NBPF26: variants seen among roughly 807,000 people sequenced by gnomAD.
NBPF26 encodes the protein NBPF family member NBPF26.
A neutral mutation model predicts 119.6 loss-of-function variants in NBPF26; 79 were observed. The ratio of observed to expected loss-of-function variants is 0.66; its 90% CI spans 0.55 to 0.80. The LOEUF is 0.80. NBPF26 is among the 30% of genes least tolerant of loss of function. The probability of loss-of-function intolerance (pLI) is 0.00; values close to 1 mark genes in which losing one functional copy is unlikely to be tolerated. For missense variants in NBPF26, 800 were observed against 1,198.2 expected (o/e 0.67, Z 4.91); for synonymous variants, 299 against 457.7 (o/e 0.65, Z 4.43).
chr1:120,823,844 C>T (rs1462484846), intron 17 of NBPF26, 130 bp from the exon 18 acceptor site: 13,082 of 552,190 alleles, frequency 0.024, 2,601 homozygotes, highest in African/African-American at 0.18. Flanking sequence ...AGGCAATAAT[C>T]TGTTACCTCA....
chr1:120,730,550 T>C (rs1203330705), intron 1 of NBPF26, among the ~76,000 whole-genome samples: 1 of 106,778 alleles, frequency 9.4e-6, no homozygotes, highest in Non-Finnish European at 1.7e-5. Flanking sequence ...ACTGCATCAC[T>C]GGTAGTGGTA....
At position 120,816,825 on chromosome 1, in the gene NBPF26, C is replaced by G. The variant is rs1652017776; in HGVS notation, c.2369C>G (p.Pro790Arg). 27 of 1,447,292 alleles carry G rather than the reference C, an allele frequency of 1.9e-5. 4 individuals carry two copies. In the South Asian group the frequency reaches 3.2e-4, roughly 17 times the overall value. The allele number at this position is 1,447,292 out of a possible 1,614,324, so 89.7% of individuals were successfully genotyped here. A position where few individuals can be genotyped will look rare whatever the true frequency, so the allele number is the denominator to read the frequency against. The change falls in exon 14 of 30, where the codon CCA becomes CGA. Residue 790 changes from proline (P) to arginine (R), a missense_variant and splice_region_variant. Physicochemically the swap from Pro to Arg is moderately radical, Grantham distance 103. Coordinates refer to ENST00000620612, the Ensembl canonical transcript of NBPF26. ...TGGGAGGATGCTGTACACATTATTC[C>G]AGGTAGCCTCTGTTTTCCTTGTGTC...
intron 1 of NBPF26, among the ~76,000 whole-genome samples, chr1:120,733,114 T>C (rs1650881391): frequency 2.3e-5 from 2 of 85,386 alleles, no homozygotes; most frequent in Non-Finnish European, 4.1e-5. Context: ...GATTTATTTT[T>C]ATATATATAT....
At position 120,805,708 on chromosome 1, in the gene NBPF26, G is replaced by T; in HGVS notation, c.904G>T (p.Glu302Ter). 2.1e-6 allele frequency: 3 copies of T among 1,454,682 alleles called. 1 individual carries two copies. The highest frequency in any genetic ancestry group is 2.8e-6 in the Non-Finnish European group (3 of 1,078,170). The allele number at this position is 1,454,682 out of a possible 1,614,324, so 90.1% of individuals were successfully genotyped here. ...CAAACAGCAGTTGAGAAACCTCAAA[G>T]AGAAATGTTTTCTAACTCAACTGGC... is the stretch of plus-strand genomic sequence containing the variant. Residue 302 changes from glutamate (E) to a stop codon, truncating the protein, a stop_gained, in exon 5 of 30, where the codon GAG becomes TAG. Coordinates refer to ENST00000620612, the Ensembl canonical transcript of NBPF26. LOFTEE classifies it high-confidence loss of function.
At chr1:120,786,440 CT>C in intron 3 of NBPF26, among the ~76,000 whole-genome samples, 1 of 102,334 alleles carries the variant, frequency 9.8e-6, no homozygotes, top group Middle Eastern at 4.1e-3. Context: ...CCTTTATTCT[CT>C]CCCCATCTCA....
At chr1:120,806,677 G>A (rs1651693473) in intron 5 of NBPF26, among the ~76,000 whole-genome samples, 1 of 121,522 alleles carries the variant, frequency 8.2e-6, no homozygotes, top group Admixed American at 7.9e-5. Flanking sequence ...CCTGCTTCCT[G>A]GTGCACAGGC....
At chr1:120,813,516 A>T (rs1233476550) in intron 10 of NBPF26, among the ~76,000 whole-genome samples, 5 of 102,402 alleles carry the variant, frequency 4.9e-5, no homozygotes, top group Non-Finnish European at 7.9e-5. Context: ...GGGCTTTCCC[A>T]ACTGTACAAG....
intron 5 of NBPF26, 127 bp downstream of exon 5, chr1:120,805,892 G>C (rs1651669531): frequency 1.4e-6 from 1 of 716,396 alleles, no homozygotes; most frequent in Admixed American, 3.0e-5. Context: ...ACAGAAATGG[G>C]TATTTTAACA....
At chr1:120,809,303 TTGG>T (rs1651793852) in intron 7 of NBPF26, among the ~76,000 whole-genome samples, 1 of 150,478 alleles carries the variant, frequency 6.6e-6, no homozygotes, top group Non-Finnish European at 1.5e-5. Context: ...GTGGGGTCAT[TTGG>T]TGGTAGGAAG....
rs1571033219 is a variant in NBPF26, at chr1:120,805,722, A to C, written c.918A>C (p.Leu306=). The C allele has an allele frequency of 2.1e-6, 3 of 1,451,300 alleles. No homozygotes were observed. The East Asian group carries it at 6.8e-5, about 33-fold the overall frequency. 89.9% of individuals were successfully genotyped at this position (1,451,300 alleles called of 1,614,324 possible). ...GAAACCTCAAAGAGAAATGTTTTCT[A>C]ACTCAACTGGCCGGCTTCCTGGCCA... Residue 306 remains leucine, a synonymous_variant, in exon 5 of 30, where the codon CTA becomes CTC. Transcript: ENST00000620612.
chr1:120,785,021 G>T (rs2101454217), exon 3 of NBPF26: 3 of 1,429,560 alleles, frequency 2.1e-6, no homozygotes, highest in East Asian at 2.3e-5. Flanking sequence ...CGAGACCCCT[G>T]TGAGAAGAAC....
Position 120,840,482 on chromosome 1 carries a change from A to G in NBPF26, c.4236A>G (p.Ser1412=), listed in dbSNP as rs1553273514. The change falls in exon 30 of 30, where the codon TCA becomes TCG. Residue 1412 remains serine, a synonymous_variant. Transcript: ENST00000620612. ...AGCACTACAGAAGTGTGTTTTACTC[A>G]TTTGAGGAAGAGCATATCAGCTTCG... 1.0e-5 allele frequency: 15 copies of G among 1,479,942 alleles called. 2 individuals are homozygous for G. Among genetic ancestry groups the G allele is most frequent in the Middle Eastern group, 4.7e-4 (2 of 4,218 alleles). 91.7% of individuals were successfully genotyped at this position (1,479,942 alleles called of 1,614,324 possible).
At chr1:120,839,985 T>C (rs1449771172) in intron 29 of NBPF26, among the ~76,000 whole-genome samples, 2 of 48,936 alleles carry the variant, frequency 4.1e-5, no homozygotes, top group East Asian at 4.1e-4. Flanking sequence ...CTGCATCGAA[T>C]TTTGAGCATA....
At chr1:120,820,450 ATAT>A (rs1652107232) in intron 15 of NBPF26, among the ~76,000 whole-genome samples, 137 of 7,724 alleles carry the variant, frequency 0.018, 15 homozygotes, top group Admixed American at 0.065. Flanking sequence ...TATTAAAAAT[ATAT>A]ATATATATAT....
rs1316691462 is a variant in NBPF26 at position 120,779,496 on chromosome 1, A to G, written c.156-5478A>G. On this transcript the variant is annotated intron_variant, in intron 2 of 29. Transcript: ENST00000620612. ...AGAGAAGAGAGAGTAAGTAAAAGTCACTGAGAGACATTGAAGAGACAGTTA... is the reference window on the plus strand; with the variant it reads ...AGAGAAGAGAGAGTAAGTAAAAGTCGCTGAGAGACATTGAAGAGACAGTTA... Among the ~76,000 whole-genome samples the G allele has an allele frequency of 5.9e-5, 7 of 119,190 alleles. 1 individual carries two copies. The highest frequency in any genetic ancestry group is 1.7e-4 in the Admixed American group (2 of 12,012). 78.2% of individuals were successfully genotyped at this position (119,190 alleles called of 152,430 possible).
At chr1:120,790,159 G>A (rs1651468362) in intron 3 of NBPF26, among the ~76,000 whole-genome samples, 1 of 100,634 alleles carries the variant, frequency 9.9e-6, no homozygotes, top group South Asian at 2.9e-4. Flanking sequence ...GGGACTACAG[G>A]CACCTACCGC....
chr1:120,806,878 T>C, intron 5 of NBPF26, among the ~76,000 whole-genome samples: 1 of 123,962 alleles, frequency 8.1e-6, no homozygotes, highest in Non-Finnish European at 1.6e-5. Flanking sequence ...CTGCAATGAA[T>C]TACATGAGGT....
intron 5 of NBPF26, among the ~76,000 whole-genome samples, 193 bp from the exon 6 acceptor site, chr1:120,807,414 C>T (rs1391755433): frequency 1.6e-5 from 2 of 122,758 alleles, no homozygotes; most frequent in Non-Finnish European, 3.3e-5. Flanking sequence ...TCTCTTTCTT[C>T]GTCTTTAAAT....
chr1:120,806,257 G>C lies in NBPF26; in HGVS notation c.961+492G>C, dbSNP rs1432179867. 1.8e-4 allele frequency among the ~76,000 whole-genome samples: 22 copies of C among 122,538 alleles called. 3 individuals are homozygous for C. Among genetic ancestry groups the C allele is most frequent in the Non-Finnish European group, 3.3e-4 (20 of 60,524 alleles). 80.4% of individuals were successfully genotyped at this position (122,538 alleles called of 152,430 possible). A position where few individuals can be genotyped will look rare whatever the true frequency, so the allele number is the denominator to read the frequency against. On this transcript the variant is annotated intron_variant, in intron 5 of 29. Transcript: ENST00000620612. ...TTCTGAGGGGCTTCAAGGGGAGTCT[G>C]CTCCTAATAGAACCTGTGCTATCTA...
Sources: gnomAD v4.1 joint callset for allele counts (sites outside exome capture counted in the v4.1 genomes callset) on GRCh38, gnomAD v4.1.1 for gene constraint, MANE v1.5 for transcripts, NCBI Gene and HGNC (gene_info 2026-07-23, HGNC 2026-07-21) for gene names.